CECR2: variants seen among roughly 807,000 people sequenced by gnomAD.
CECR2 encodes the protein chromatin remodeling regulator CECR2.
In CECR2, 30 loss-of-function variants were observed where a neutral mutation model predicts 154.5. The observed-to-expected ratio is 0.19, with a 90% confidence interval of 0.15 to 0.26. CECR2 has a LOEUF of 0.26. Ranked by LOEUF, CECR2 falls within the 10% of genes least tolerant of loss-of-function variation. The pLI is 1.00. For synonymous variants in CECR2, 725 were observed against 683.7 expected, an observed-to-expected ratio of 1.06 and a Z score of -0.94; for missense variants, 1,743 against 1,829.3, an observed-to-expected ratio of 0.95 and a Z score of 0.86.
chr22:17,543,808 C>G (rs918279189), intron 16 of CECR2, among the ~76,000 whole-genome samples: 3 of 152,074 alleles, frequency 2.0e-5, no homozygotes, highest in African/African-American at 7.2e-5. Flanking sequence ...GATCGCCTGC[C>G]TTGGCCTCCC....
rs149309941 is a variant in CECR2, at chr22:17,475,482, C to G, written c.127-2106C>G. 7.6e-3 allele frequency among the ~76,000 whole-genome samples: 1,156 copies of G among 152,178 alleles called. 7 individuals are homozygous for G. Among genetic ancestry groups the G allele is most frequent in the Non-Finnish European group, 0.013 (859 of 68,010 alleles). On this transcript the variant is annotated intron_variant, in intron 1 of 18. Transcript: ENST00000262608. ...GTTGTTTTTTCTCCCTTAAAAGAGA[C>G]AGGGTCTTGCTGTGTGGCCCAGGCT...
chr22:17,531,786 A>G (rs570614673), intron 9 of CECR2, among the ~76,000 whole-genome samples: 2 of 152,226 alleles, frequency 1.3e-5, no homozygotes, highest in Non-Finnish European at 2.9e-5. Flanking sequence ...TCTGTTCCCT[A>G]AAACAACCAA....
chr22:17,449,257 C>A (rs117826617), intron 1 of CECR2, among the ~76,000 whole-genome samples: 1 of 152,082 alleles, frequency 6.6e-6, no homozygotes, highest in African/African-American at 2.4e-5. Context: ...AGCAGAGGAC[C>A]GTGGCTTGAA....
intron 1 of CECR2, among the ~76,000 whole-genome samples, chr22:17,407,828 C>T (rs920933749): frequency 1.3e-5 from 2 of 152,048 alleles, no homozygotes; most frequent in Admixed American, 6.5e-5. Flanking sequence ...GCCTACAGTG[C>T]GTAAGACAGC....
intron 1 of CECR2, among the ~76,000 whole-genome samples, chr22:17,436,636 C>CT (rs2146652978): frequency 6.6e-6 from 1 of 152,368 alleles, no homozygotes; most frequent in African/African-American, 2.4e-5. Flanking sequence ...GCAATGCTGA[C>CT]TGAGTTTGTC....
chr22:17,396,302 T>C (rs1226393744), intron 1 of CECR2, among the ~76,000 whole-genome samples: 2 of 151,374 alleles, frequency 1.3e-5, no homozygotes, highest in African/African-American at 4.9e-5. Context: ...CCCAGCACTT[T>C]GGGAGGCCAA....
At chr22:17,446,967 G>T (rs945168721) in intron 1 of CECR2, among the ~76,000 whole-genome samples, 1 of 151,054 alleles carries the variant, frequency 6.6e-6, no homozygotes, top group East Asian at 2.0e-4. Flanking sequence ...TGTGTTTACA[G>T]TTCTTTAGCT....
rs2056307400 is a variant in CECR2 at position 17,528,864 on chromosome 22, A to T, written c.1108+4593A>T. On this transcript the variant is annotated intron_variant, in intron 9 of 18. Transcript: ENST00000262608. ...TACTATTTTCATTCCAGTGGTGAGA[A>T]GGTGGAGAGTAGACAAATATTGTGG... is the stretch of plus-strand genomic sequence containing the variant. 2.0e-5 allele frequency among the ~76,000 whole-genome samples: 3 copies of T among 152,164 alleles called. No individual in the cohort carries two copies. In the South Asian group the frequency reaches 6.2e-4, roughly 31 times the overall value.
At chr22:17,513,395 A>G (rs1325094716) in intron 8 of CECR2, among the ~76,000 whole-genome samples, 1 of 152,200 alleles carries the variant, frequency 6.6e-6, no homozygotes, top group East Asian at 1.9e-4. Context: ...CCTTTCAGTA[A>G]CATTTTCATG....
chr22:17,554,005 A>G lies in CECR2; in HGVS notation c.*1165A>G, dbSNP rs2146169636. The G allele has an allele frequency of 6.6e-6, 1 of 152,360 alleles. No homozygotes were observed. The highest frequency in any genetic ancestry group is 1.9e-4 in the East Asian group (1 of 5,196). The allele number at this position is 152,360 out of a possible 1,614,324, so 9.4% of individuals were successfully genotyped here. On this transcript the variant is annotated 3_prime_UTR_variant, in exon 19 of 19. Transcript: ENST00000262608. The stretch of plus-strand genomic sequence containing the variant: ...GAATATTTCAGTATATATAGTTTTT[A>G]TTCGTTTTAAGTGAATCATAGTAAA...
At chr22:17,364,550 G>A (rs1474513796), upstream of CECR2, among the ~76,000 whole-genome samples, 7 of 151,978 alleles carry the variant, frequency 4.6e-5, no homozygotes, top group East Asian at 1.4e-3. Context: ...AGTGGCTCAC[G>A]CCTTGTAACC....
chr22:17,442,046 C>T (rs1423473548), intron 1 of CECR2, among the ~76,000 whole-genome samples: 2 of 152,222 alleles, frequency 1.3e-5, no homozygotes, highest in African/African-American at 2.4e-5. Context: ...TAGAATCAAA[C>T]TCTGGTCTCT....
At chr22:17,465,868 C>T (rs1252941474) in intron 1 of CECR2, among the ~76,000 whole-genome samples, 4 of 152,048 alleles carry the variant, frequency 2.6e-5, no homozygotes, top group Non-Finnish European at 4.4e-5. Flanking sequence ...ATCCACCTAC[C>T]TCGTCCTCCC....
intron 17 of CECR2, 103 bp from the exon 18 acceptor site, chr22:17,551,915 TCCAGGCCTGATCA>T (rs2056713959): frequency 1.0e-6 from 1 of 959,546 alleles, no homozygotes; most frequent in Non-Finnish European, 1.6e-6. Flanking sequence ...TATGGATGAT[TCCAGGCCTGATCA>T]CCGGGGTGAT....
At position 17,524,542 on chromosome 22, in the gene CECR2, A is replaced by G. The variant is rs192299514; in HGVS notation, c.1108+271A>G. ...CAAGTAGCTGGGACTACAGGTGCCC[A>G]CCACCACGCCCGGCTAATTTTTTGT... On this transcript the variant is annotated intron_variant, in intron 9 of 18. Transcript: ENST00000262608. 3.8e-5 allele frequency among the ~76,000 whole-genome samples: 5 copies of G among 133,262 alleles called. 1 individual carries two copies. The highest frequency in any genetic ancestry group is 7.8e-5 in the Admixed American group (1 of 12,814). 87.4% of individuals were successfully genotyped at this position (133,262 alleles called of 152,430 possible).
At chr22:17,497,240 A>C (rs1371116894) in intron 2 of CECR2, among the ~76,000 whole-genome samples, 163 bp from the exon 3 acceptor site, 1 of 152,170 alleles carries the variant, frequency 6.6e-6, no homozygotes, top group Non-Finnish European at 1.5e-5. Context: ...CAGTGAGCTG[A>C]GATCTTGCCA....
intron 1 of CECR2, among the ~76,000 whole-genome samples, chr22:17,384,974 T>C (rs2063241475): frequency 6.6e-6 from 1 of 152,240 alleles, no homozygotes; most frequent in East Asian, 1.9e-4. Flanking sequence ...TTGTCTTGCA[T>C]GTTTACGTTA....
chr22:17,516,128 G>A (rs1337514296), intron 8 of CECR2, among the ~76,000 whole-genome samples: 1 of 151,934 alleles, frequency 6.6e-6, no homozygotes, highest in Non-Finnish European at 1.5e-5. Context: ...TATGTTACCT[G>A]GCTCTGGAAG....
At chr22:17,362,510 G>C (rs945617441) in intron 1 of CECR2, among the ~76,000 whole-genome samples, 1 of 151,818 alleles carries the variant, frequency 6.6e-6, no homozygotes, top group African/African-American at 2.4e-5. Flanking sequence ...GTATACACCA[G>C]ATTTCAAAGA....
Sources: gnomAD v4.1 joint callset for allele counts (sites outside exome capture counted in the v4.1 genomes callset) on GRCh38, gnomAD v4.1.1 for gene constraint, MANE v1.5 for transcripts, NCBI Gene and HGNC (gene_info 2026-07-23, HGNC 2026-07-21) for gene names.